The following DTL variants were observed in gnomAD, a reference collection of about 807,000 sequenced individuals.
DTL encodes the protein denticleless protein homolog.
Under a neutral mutation model 87.0 loss-of-function variants are expected in DTL, and 46 were observed. The observed-to-expected ratio is 0.53, with a 90% CI of 0.42 to 0.68. DTL has a LOEUF of 0.68. Among genes scored for constraint, DTL ranks in the 30% least tolerant of loss-of-function variants. The pLI is 0.00. For missense variants in DTL, 737 were observed against 869.4 expected (o/e 0.85, Z 1.91); for synonymous variants, 308 against 311.2 (o/e 0.99, Z 0.11).
chr1:212,075,933 A>C (rs1184295908), intron 11 of DTL, among the ~76,000 whole-genome samples: 1 of 152,170 alleles, frequency 6.6e-6, no homozygotes, highest in East Asian at 1.9e-4. Flanking sequence ...TGGATTTGCT[A>C]TTCTAGACAT....
intron 5 of DTL, among the ~76,000 whole-genome samples, chr1:212,058,072 A>G (rs1343479031): frequency 2.0e-5 from 3 of 152,202 alleles, no homozygotes; most frequent in Non-Finnish European, 4.4e-5. Context: ...ACAGATATAT[A>G]AAGCCAATAC....
intron 5 of DTL, among the ~76,000 whole-genome samples, chr1:212,057,134 A>C (rs1558075972): frequency 6.6e-6 from 1 of 152,148 alleles, no homozygotes; most frequent in Non-Finnish European, 1.5e-5. Context: ...ATATATCCAC[A>C]TACAGGAGGC....
chr1:212,078,424 C>A (rs1419403800), intron 12 of DTL, among the ~76,000 whole-genome samples, 162 bp downstream of exon 12: 3 of 152,082 alleles, frequency 2.0e-5, no homozygotes, highest in Non-Finnish European at 4.4e-5. Context: ...CAGGCATATT[C>A]TGCTTTTCTC....
intron 13 of DTL, among the ~76,000 whole-genome samples, chr1:212,080,979 G>A (rs887869164): frequency 1.3e-5 from 2 of 152,114 alleles, no homozygotes; most frequent in Non-Finnish European, 1.5e-5. Flanking sequence ...TGAACACCCA[G>A]TATGTGCTGG....
chr1:212,075,948 T>C (rs1037826339), intron 11 of DTL, among the ~76,000 whole-genome samples: 11 of 152,314 alleles, frequency 7.2e-5, no homozygotes, highest in African/African-American at 2.6e-4. Flanking sequence ...AGACATTTCA[T>C]ATAAATGGAA....
At chr1:212,095,053 TC>T (rs1170699045) in intron 13 of DTL, among the ~76,000 whole-genome samples, 1 of 152,190 alleles carries the variant, frequency 6.6e-6, no homozygotes. Context: ...CAGGTTGACT[TC>T]CTCTTTACCA....
chr1:212,044,146 A>G (rs1483042673), intron 2 of DTL, among the ~76,000 whole-genome samples: 1 of 152,202 alleles, frequency 6.6e-6, no homozygotes, highest in African/African-American at 2.4e-5. Context: ...AAATAAAAAT[A>G]TGGTTAAAAA....
chr1:212,054,407 CA>C (rs79544521), intron 5 of DTL, among the ~76,000 whole-genome samples: 68 of 136,262 alleles, frequency 5.0e-4, no homozygotes, highest in African/African-American at 7.5e-4. Flanking sequence ...ACCACACACA[CA>C]AAAAAAAAAA....
chr1:212,041,332 T>A (rs1667634140), intron 1 of DTL, among the ~76,000 whole-genome samples: 1 of 152,146 alleles, frequency 6.6e-6, no homozygotes, highest in Admixed American at 6.5e-5. Flanking sequence ...GTGTATCATC[T>A]TCATTTCAAC....
intron 3 of DTL, among the ~76,000 whole-genome samples, chr1:212,045,746 T>G (rs1268575743): frequency 6.6e-6 from 1 of 152,142 alleles, no homozygotes; most frequent in Non-Finnish European, 1.5e-5. Flanking sequence ...GGTCTAGAGA[T>G]AGAAAAGCAT....
At chr1:212,066,021 T>C (rs1654487440) in intron 7 of DTL, among the ~76,000 whole-genome samples, 1 of 152,202 alleles carries the variant, frequency 6.6e-6, no homozygotes, top group African/African-American at 2.4e-5. Context: ...GACAAAATAT[T>C]GTTAAATATA....
intron 13 of DTL, among the ~76,000 whole-genome samples, chr1:212,085,509 G>A (rs903585444): frequency 6.6e-6 from 1 of 152,100 alleles, no homozygotes; most frequent in Non-Finnish European, 1.5e-5. Context: ...TCTTTTTATT[G>A]TTGAGTTGTA....
intron 10 of DTL, among the ~76,000 whole-genome samples, chr1:212,070,634 C>CTGTGTGTGTG (rs59056654): frequency 6.7e-6 from 1 of 149,146 alleles, no homozygotes; most frequent in Non-Finnish European, 1.5e-5. Context: ...TGAATGACAA[C>CTGTGTGTGTG]TGTGTGTGTG....
At chr1:212,070,636 G>C (rs1040549936) in intron 10 of DTL, among the ~76,000 whole-genome samples, 2 of 149,134 alleles carry the variant, frequency 1.3e-5, no homozygotes, top group African/African-American at 4.9e-5. Flanking sequence ...AATGACAACT[G>C]TGTGTGTGTG....
intron 8 of DTL, 92 bp downstream of exon 8, chr1:212,066,977 T>C: frequency 1.9e-6 from 2 of 1,054,964 alleles, no homozygotes; most frequent in Non-Finnish European, 2.8e-6. Context: ...TGAATGTGTG[T>C]GCTTTCAACT....
chr1:212,075,789 C>G (rs1026380126), intron 11 of DTL, among the ~76,000 whole-genome samples: 3 of 152,098 alleles, frequency 2.0e-5, no homozygotes, highest in Non-Finnish European at 2.9e-5. Context: ...CTATTGTAAT[C>G]ACAGTGTTGT....
chr1:212,068,308 T>G lies in DTL; in HGVS notation c.798T>G (p.Gly266=), dbSNP rs1470267991. The G allele has an allele frequency of 6.2e-7, 1 of 1,608,284 alleles. No homozygotes were observed. Among genetic ancestry groups the G allele is most frequent in the Admixed American group, 1.7e-5 (1 of 58,560 alleles). ...CATCCAAGTCTTTCCTGTACCCAGG[T>G]AGCAGCACTCGAAAACTTGGTAAGC... is the stretch of plus-strand genomic sequence containing the variant. The part of the protein sequence containing the change: ...PIASKSFLYP[G]SSTRKLGYSS... Residue 266 remains glycine, a synonymous_variant, in exon 9 of 15, where the codon GGT becomes GGG. Coordinates refer to ENST00000366991, the MANE Select transcript of DTL (RefSeq NM_016448.4).
intron 1 of DTL, 61 bp from the exon 2 acceptor site, chr1:212,042,932 T>G: frequency 2.0e-6 from 3 of 1,485,634 alleles, no homozygotes; most frequent in African/African-American, 1.4e-5. Flanking sequence ...CCTCTGAATT[T>G]GTTAAAAATG....
At chr1:212,056,763 A>T (rs1486989298) in intron 5 of DTL, among the ~76,000 whole-genome samples, 1 of 152,104 alleles carries the variant, frequency 6.6e-6, no homozygotes, top group East Asian at 1.9e-4. Context: ...ATAATTGAGG[A>T]AATGAATGAG....
Sources: allele counts gnomAD v4.1 joint callset (sites outside exome capture counted in the v4.1 genomes callset), GRCh38; gene constraint gnomAD v4.1.1; transcripts MANE v1.5; gene names NCBI Gene and HGNC (gene_info 2026-07-23, HGNC 2026-07-21).